GPR143: variants seen among roughly 807,000 people sequenced by gnomAD.
GPR143 encodes G protein-coupled receptor 143, also known as G-protein coupled receptor 143.
A neutral mutation model predicts 27.6 loss-of-function variants in GPR143; 8 were observed. The observed-to-expected ratio is 0.29, with a 90% confidence interval of 0.17 to 0.52. The LOEUF (loss-of-function observed/expected upper bound fraction) is 0.52. Ranked by LOEUF, GPR143 falls within the 20% of genes least tolerant of loss-of-function variation. GPR143 has a pLI of 0.96. For synonymous variants in GPR143, 156 were observed against 153.2 expected, an observed-to-expected ratio of 1.02 and a Z score of -0.13; for missense variants, 303 against 343.1, an observed-to-expected ratio of 0.88 and a Z score of 0.92.
chrX:9,774,644 T>TAA (rs35167633), intron 1 of GPR143, among the ~76,000 whole-genome samples: 51 of 110,298 alleles, frequency 4.6e-4, no homozygotes, highest in African/African-American at 1.6e-3. Flanking sequence ...CATCCTGGGG[T>TAA]CTCTAGGTAG....
At chrX:9,755,889 T>A (rs905661156) in intron 3 of GPR143, among the ~76,000 whole-genome samples, 3 of 112,260 alleles carry the variant, frequency 2.7e-5, no homozygotes, top group Admixed American at 9.5e-5. Context: ...CCTAATTGGC[T>A]GGCTCTGACC....
intron 7 of GPR143, chrX:9,740,939 G>A (rs768934617): frequency 3.4e-6 from 1 of 295,798 alleles, no homozygotes. Flanking sequence ...TGTTTGACCA[G>A]AGTTGAAGCA....
At chrX:9,759,228 A>G (rs1481604805) in intron 3 of GPR143, 104 bp downstream of exon 3, 1 of 547,304 alleles carries the variant, frequency 1.8e-6, no homozygotes, top group East Asian at 3.7e-5. Flanking sequence ...ATTCTGAATG[A>G]CGGTGTCTGC....
rs145665834 is a variant in GPR143 at position 9,743,609 on chromosome X, C to G, written c.723G>C (p.Val241=). 1.7e-6 allele frequency: 2 copies of G among 1,193,233 alleles called. No homozygotes were observed. The highest frequency in any genetic ancestry group is 2.2e-5 in the Admixed American group (1 of 45,764). Residue 241 remains valine (V), a synonymous_variant, in exon 6 of 9, where the codon GTG becomes GTC. Coordinates refer to ENST00000467482, the MANE Select transcript of GPR143 (RefSeq NM_000273.3). ...TGATTTTGAAAAATCGGATCTTGAT[C>G]ACGGCTCCCATCCTCCTCTCGTTCT... ...YTENERRMGA[V]IKIRFFKIML... is the part of the protein sequence containing the mutation.
At position 9,765,655 on chromosome X, in the gene GPR143, C is replaced by A; in HGVS notation, c.163G>T (p.Ala55Ser). Reference protein sequence around the residue: ...LLQLLPGRRPAGPGSPATSPP... With the variant: ...LLQLLPGRRPSGPGSPATSPP... ...GACGTCGCGGGGGACCCGGGGCCCG[C>A]GGGCCGGCGGCCGGGCAGCAGCTGC... The change falls in exon 1 of 9, where the codon GCG (alanine) becomes TCG (serine). Residue 55 changes from alanine to serine, a missense_variant. By Grantham distance (99) the Ala-to-Ser change is moderately conservative (BLOSUM62 1). Transcript: ENST00000467482. 1 of 986,678 alleles carries A rather than the reference C, an allele frequency of 1.0e-6. No homozygotes were observed. Among genetic ancestry groups the A allele is most frequent in the East Asian group, 4.2e-5 (1 of 23,658 alleles). The allele number at this position is 986,678 out of a possible 1,213,427, so 81.3% of individuals were successfully genotyped here.
chrX:9,770,772 A>G (rs1318205136), upstream of GPR143, among the ~76,000 whole-genome samples: 1 of 111,482 alleles, frequency 9.0e-6, no homozygotes, highest in Admixed American at 9.6e-5. Context: ...GTCCTTATAG[A>G]CACACAATGT....
chrX:9,769,072 T>A (rs2083544767), upstream of GPR143, among the ~76,000 whole-genome samples: 1 of 111,795 alleles, frequency 8.9e-6, no homozygotes, highest in Non-Finnish European at 1.9e-5. Context: ...CATCTGGAAG[T>A]TTCGTAGATA....
At chrX:9,754,082 G>C (rs936721168) in intron 3 of GPR143, among the ~76,000 whole-genome samples, 3 of 111,258 alleles carry the variant, frequency 2.7e-5, no homozygotes, top group Non-Finnish European at 3.8e-5. Flanking sequence ...ACGAGGTGGG[G>C]TAGGGGGCTG....
intron 8 of GPR143, among the ~76,000 whole-genome samples, chrX:9,727,385 C>T (rs1359275045): frequency 1.8e-5 from 2 of 113,002 alleles, no homozygotes; most frequent in Non-Finnish European, 3.7e-5. Context: ...CTTCTATAGT[C>T]AGTGCATCCT....
chrX:9,772,522 A>G (rs1263200524), intron 1 of GPR143, among the ~76,000 whole-genome samples: 5 of 112,085 alleles, frequency 4.5e-5, no homozygotes, highest in Non-Finnish European at 7.5e-5. Flanking sequence ...GAACACGTCT[A>G]TTTCAAAAAG....
At chrX:9,768,767 T>C (rs766775075), upstream of GPR143, among the ~76,000 whole-genome samples, 5 of 110,181 alleles carry the variant, frequency 4.5e-5, no homozygotes, top group South Asian at 2.0e-3. Flanking sequence ...AATCTCTGCC[T>C]CCTGGGTTCA....
intron 3 of GPR143, among the ~76,000 whole-genome samples, chrX:9,758,932 A>G (rs1417998743): frequency 8.9e-6 from 1 of 112,334 alleles, no homozygotes; most frequent in Non-Finnish European, 1.9e-5. Context: ...GTACATGCCC[A>G]TTCTGTTTTA....
chrX:9,731,578 T>G (rs1048921753), intron 8 of GPR143, among the ~76,000 whole-genome samples: 5 of 110,315 alleles, frequency 4.5e-5, no homozygotes, highest in Non-Finnish European at 7.6e-5. Flanking sequence ...GATAGGGTAT[T>G]GTGGGAGAGA....
At chrX:9,743,062 G>A (rs1291064947) in intron 6 of GPR143, among the ~76,000 whole-genome samples, 4 of 109,822 alleles carry the variant, frequency 3.6e-5, no homozygotes, top group Admixed American at 2.0e-4. Context: ...AGCTGAGATC[G>A]TGCCATTGCA....
chrX:9,771,471 A>C (rs1002359906), intron 1 of GPR143, among the ~76,000 whole-genome samples: 1 of 110,848 alleles, frequency 9.0e-6, no homozygotes, highest in African/African-American at 3.3e-5. Context: ...GGAAAGGCAA[A>C]TCCTGATTCA....
chrX:9,766,546 C>A (rs1483453007), upstream of GPR143, among the ~76,000 whole-genome samples: 1 of 111,506 alleles, frequency 9.0e-6, no homozygotes, highest in Non-Finnish European at 1.9e-5. Context: ...GGCAACATGG[C>A]GAAACCCCAC....
intron 1 of GPR143, among the ~76,000 whole-genome samples, chrX:9,761,336 T>C (rs2083499409): frequency 8.9e-6 from 1 of 112,473 alleles, no homozygotes; most frequent in African/African-American, 3.2e-5. Flanking sequence ...TCAAGTGATC[T>C]GTCCGCCTTG....
chrX:9,757,849 C>T (rs1389349354), intron 3 of GPR143, among the ~76,000 whole-genome samples: 1 of 111,082 alleles, frequency 9.0e-6, no homozygotes, highest in Non-Finnish European at 1.9e-5. Flanking sequence ...TGTGCTTTGA[C>T]CTCCTGGGCT....
rs757278922 is a variant in GPR143 at position 9,725,702 on chromosome X, T to G, written c.*44A>C. ...ACACAGTTCTAAAGAACAAGAATTG[T>G]TGAGTCTGAGGAATATGGGGTCTGG... On this transcript the variant is annotated 3_prime_UTR_variant, in exon 9 of 9. Coordinates refer to ENST00000467482, the MANE Select transcript of GPR143 (RefSeq NM_000273.3). 1 of 974,790 alleles carries G rather than the reference T, an allele frequency of 1.0e-6. No individual in the cohort carries two copies. The highest frequency in any genetic ancestry group is 1.5e-6 in the Non-Finnish European group (1 of 682,532). The allele number at this position is 974,790 out of a possible 1,213,427, so 80.3% of individuals were successfully genotyped here.
Sources: gnomAD v4.1 joint callset for allele counts (sites outside exome capture counted in the v4.1 genomes callset) on GRCh38, gnomAD v4.1.1 for gene constraint, MANE v1.5 for transcripts, NCBI Gene and HGNC (gene_info 2026-07-23, HGNC 2026-07-21) for gene names.